SPATA6L: variants seen among roughly 807,000 people sequenced by gnomAD.
SPATA6L encodes spermatogenesis associated 6 like.
Under a neutral mutation model 49.2 loss-of-function variants are expected in SPATA6L, and 68 were observed. That is an observed-to-expected ratio of 1.38 (90% CI 1.14 to 1.69). SPATA6L has a LOEUF of 1.69. SPATA6L is among the 40% of genes most tolerant of loss of function. The pLI is 0.00. For missense variants in SPATA6L, 668 were observed against 464.3 expected, an observed-to-expected ratio of 1.44 and a Z score of -4.03; for synonymous variants, 198 against 165.7, an observed-to-expected ratio of 1.19 and a Z score of -1.50.
chr9:4,635,462 A>T, intron 3 of SPATA6L, 63 bp from the exon 4 acceptor site: 1 of 1,501,538 alleles, frequency 6.7e-7, no homozygotes, highest in Non-Finnish European at 8.8e-7. Context: ...AACAAAATAA[A>T]AGTTCAGGCA....
At chr9:4,657,361 A>T (rs1412256452) in intron 2 of SPATA6L, among the ~76,000 whole-genome samples, 1 of 152,096 alleles carries the variant, frequency 6.6e-6, no homozygotes, top group Non-Finnish European at 1.5e-5. Context: ...TGTCCCCCCA[A>T]AAATTCATGG....
At position 4,618,042 on chromosome 9, in the gene SPATA6L, C is replaced by G; in HGVS notation, c.876G>C (p.Gln292His). Residue 292 changes from glutamine (Q) to histidine (H), a missense_variant, in exon 9 of 12, where the codon CAG (glutamine) becomes CAC (histidine). By Grantham distance (24) the Gln-to-His change is conservative (BLOSUM62 0). Coordinates refer to ENST00000682582, the MANE Select transcript of SPATA6L (RefSeq NM_001353486.2). ...GTTTACTGGATGAAGACTTTCCAAACTGACTTGAATCTAAACATGATGATG... is the reference window on the plus strand; with the variant it reads ...GTTTACTGGATGAAGACTTTCCAAAGTGACTTGAATCTAAACATGATGATG... ...SDSSSCLDSSQFGKSSSSKQG... is the reference protein window; with the variant it reads ...SDSSSCLDSSHFGKSSSSKQG... 6.2e-7 allele frequency: 1 copy of G among 1,614,082 alleles called. No homozygotes were observed. The highest frequency in any genetic ancestry group is 1.3e-5 in the African/African-American group (1 of 75,026).
chr9:4,649,274 T>C (rs1041550246), intron 3 of SPATA6L, among the ~76,000 whole-genome samples: 2 of 152,226 alleles, frequency 1.3e-5, no homozygotes, highest in African/African-American at 4.8e-5. Context: ...AAATGATAGT[T>C]CTACTTTTAG....
At chr9:4,635,726 T>C (rs1832673689) in intron 3 of SPATA6L, among the ~76,000 whole-genome samples, 1 of 152,184 alleles carries the variant, frequency 6.6e-6, no homozygotes, top group South Asian at 2.1e-4. Flanking sequence ...ACCCAGGCAC[T>C]GAGGATAGAA....
chr9:4,642,363 A>G (rs533194784), intron 3 of SPATA6L, among the ~76,000 whole-genome samples: 1 of 152,370 alleles, frequency 6.6e-6, no homozygotes, highest in African/African-American at 2.4e-5. Flanking sequence ...TGTCACTTTT[A>G]GGCTGAAAAA....
chr9:4,618,188 A>C, intron 8 of SPATA6L, 78 bp from the exon 9 acceptor site: 3 of 1,281,980 alleles, frequency 2.3e-6, no homozygotes, highest in Non-Finnish European at 3.3e-6. Context: ...GGGGTTGGAC[A>C]AGGAAGATAA....
At chr9:4,631,563 AAAT>A (rs1472770689) in intron 4 of SPATA6L, among the ~76,000 whole-genome samples, 2 of 152,162 alleles carry the variant, frequency 1.3e-5, no homozygotes, top group African/African-American at 4.8e-5. Context: ...AGGAAATAAA[AAAT>A]ACCATTAAGT....
chr9:4,594,295 T>C (rs752089085), downstream of SPATA6L, among the ~76,000 whole-genome samples: 3 of 152,174 alleles, frequency 2.0e-5, no homozygotes, highest in Non-Finnish European at 2.9e-5. Flanking sequence ...CTGCAAGCTC[T>C]GCCTCCCGGG....
At chr9:4,660,948 G>A (rs541462313) in intron 2 of SPATA6L, among the ~76,000 whole-genome samples, 42 of 152,106 alleles carry the variant, frequency 2.8e-4, no homozygotes, top group Admixed American at 1.4e-3. Context: ...ACCAAACACC[G>A]CATGTTCTCA....
At chr9:4,659,353 A>C (rs931541485) in intron 2 of SPATA6L, among the ~76,000 whole-genome samples, 1 of 152,172 alleles carries the variant, frequency 6.6e-6, no homozygotes, top group African/African-American at 2.4e-5. Flanking sequence ...TCAATGTGCA[A>C]AAATCACAAG....
chr9:4,633,975 C>A (rs1832221003), intron 4 of SPATA6L, among the ~76,000 whole-genome samples: 1 of 152,186 alleles, frequency 6.6e-6, no homozygotes, highest in Non-Finnish European at 1.5e-5. Context: ...ATTTAAAAAA[C>A]CCTTTCTCTA....
chr9:4,654,451 GT>G (rs1334681521), intron 3 of SPATA6L, among the ~76,000 whole-genome samples: 1 of 152,174 alleles, frequency 6.6e-6, no homozygotes, highest in Non-Finnish European at 1.5e-5. Context: ...TGAAGCCCCA[GT>G]GGGTGTGTTT....
chr9:4,664,187 A>T (rs958508736), intron 1 of SPATA6L: 4 of 167,126 alleles, frequency 2.4e-5, no homozygotes, highest in Non-Finnish European at 4.4e-5. Flanking sequence ...GGCTGACCAC[A>T]TATTATGCCA....
Position 4,600,713 on chromosome 9 carries a change from A to G in SPATA6L, c.*98T>C, listed in dbSNP as rs183015051. The G allele has an allele frequency of 1.4e-4, 22 of 152,340 alleles. No individual in the cohort carries two copies. Among genetic ancestry groups the G allele is most frequent in the African/African-American group, 5.3e-4 (22 of 41,564 alleles). The allele number at this position is 152,340 out of a possible 1,614,324, so 9.4% of individuals were successfully genotyped here. On this transcript the variant is annotated 3_prime_UTR_variant, in exon 12 of 12. Coordinates refer to ENST00000682582, the MANE Select transcript of SPATA6L (RefSeq NM_001353486.2). ...AAGGGGATTAGACATCAGTGACTCA[A>G]CACAGACAACAAAAAGTGTTCATTT...
At chr9:4,665,714 C>T (rs887329701) in intron 1 of SPATA6L, among the ~76,000 whole-genome samples, 1 of 152,126 alleles carries the variant, frequency 6.6e-6, no homozygotes, top group Non-Finnish European at 1.5e-5. Flanking sequence ...TTGGTAATTA[C>T]GAAATAGTGA....
At chr9:4,663,926 T>C (rs553944572) in intron 1 of SPATA6L, 27 of 167,158 alleles carry the variant, frequency 1.6e-4, no homozygotes, top group African/African-American at 6.5e-4. Context: ...CTTTCTCTCC[T>C]CTCCCTCCAT....
Position 4,666,332 on chromosome 9 carries a change from A to C in SPATA6L, c.-82T>G, listed in dbSNP as rs1840863180. On this transcript the variant is annotated 5_prime_UTR_variant, in exon 1 of 12. It adds an upstream start codon to the 5' untranslated region. Transcript: ENST00000682582. ...GGACCAATTTTTCTTAGTTTAGCTG[A>C]ATACCTAGAGCAAATGTTCCCAGAA... 2.1e-6 allele frequency: 3 copies of C among 1,444,542 alleles called. No individual in the cohort carries two copies. Among genetic ancestry groups the C allele is most frequent in the Non-Finnish European group, 1.9e-6 (2 of 1,029,968 alleles). The allele number at this position is 1,444,542 out of a possible 1,614,324, so 89.5% of individuals were successfully genotyped here. A position where few individuals can be genotyped will look rare whatever the true frequency, so the allele number is the denominator to read the frequency against.
chr9:4,627,810 C>T, intron 5 of SPATA6L: 1 of 1,289,262 alleles, frequency 7.8e-7, no homozygotes, highest in South Asian at 1.2e-5. Flanking sequence ...AAGGTGGCCC[C>T]ATGTTTACTG....
intron 6 of SPATA6L, among the ~76,000 whole-genome samples, chr9:4,624,663 G>T (rs770255625): frequency 2.0e-5 from 3 of 151,482 alleles, no homozygotes; most frequent in African/African-American, 7.3e-5. Flanking sequence ...GGAAGGCAGA[G>T]GTTGCAGTAA....
Sources: gnomAD v4.1 joint callset for allele counts (sites outside exome capture counted in the v4.1 genomes callset) on GRCh38, gnomAD v4.1.1 for gene constraint, MANE v1.5 for transcripts, NCBI Gene and HGNC (gene_info 2026-07-23, HGNC 2026-07-21) for gene names.